The following TRAF3IP1 variants were observed in gnomAD, a reference collection of about 807,000 sequenced individuals.
TRAF3IP1 encodes the protein intraflagellar transport 54, also known as TRAF3-interacting protein 1.
A neutral mutation model predicts 89.9 loss-of-function variants in TRAF3IP1; 53 were observed. The ratio of observed to expected loss-of-function variants is 0.59; its 90% CI spans 0.47 to 0.74. The LOEUF (loss-of-function observed/expected upper bound fraction) is 0.74, where lower values mean the gene tolerates loss of function less well. Ranked by LOEUF, TRAF3IP1 falls within the 30% of genes least tolerant of loss-of-function variation. The pLI, the probability that TRAF3IP1 is intolerant of heterozygous loss-of-function variation, is 0.00. For missense variants in TRAF3IP1, 806 were observed against 866.1 expected, an observed-to-expected ratio of 0.93 and a Z score of 0.87; for synonymous variants, 311 against 322.1, an observed-to-expected ratio of 0.97 and a Z score of 0.37.
chr2:238,351,990 A>C lies in TRAF3IP1; in HGVS notation c.1452-837A>C, dbSNP rs1361940673. On this transcript the variant is annotated intron_variant, in intron 12 of 16. Transcript: ENST00000373327. This position sits in a 1 kb window ranked among gnomAD's most constrained non-coding sequence, Gnocchi z 5.2. ...CAGGGGGAGTTAGGTGATTGCTTAA[A>C]GCACAAGTGTGTAGGGAAGAAACAA... 3.9e-5 allele frequency among the ~76,000 whole-genome samples: 6 copies of C among 152,056 alleles called. No individual in the cohort carries two copies. Among genetic ancestry groups the C allele is most frequent in the Non-Finnish European group, 8.8e-5 (6 of 67,990 alleles).
intron 14 of TRAF3IP1, among the ~76,000 whole-genome samples, chr2:238,354,620 G>A (rs821804): frequency 0.24 from 37,142 of 151,928 alleles, 5,464 homozygotes; most frequent in Middle Eastern, 0.43. Context: ...AACGCTGAAG[G>A]ATTTTATTTT....
intron 15 of TRAF3IP1, among the ~76,000 whole-genome samples, chr2:238,371,837 T>A (rs965728366): frequency 6.6e-6 from 1 of 152,222 alleles, no homozygotes; most frequent in Non-Finnish European, 1.5e-5. Context: ...CATCTGTTTC[T>A]TTTTACTTTT....
At chr2:238,372,217 G>A (rs1368745517) in intron 15 of TRAF3IP1, among the ~76,000 whole-genome samples, 2 of 152,024 alleles carry the variant, frequency 1.3e-5, no homozygotes, top group Non-Finnish European at 2.9e-5. Flanking sequence ...TGCCATGTTG[G>A]TTTGCTGCAC....
chr2:238,343,093 T>C (rs551375349), intron 8 of TRAF3IP1, among the ~76,000 whole-genome samples: 2 of 84,390 alleles, frequency 2.4e-5, no homozygotes, highest in South Asian at 7.6e-4. Context: ...GGGCCCCCTA[T>C]TTTTTTTTTT....
chr2:238,327,126 C>T (rs1697876833), intron 3 of TRAF3IP1, among the ~76,000 whole-genome samples: 1 of 152,222 alleles, frequency 6.6e-6, no homozygotes, highest in African/African-American at 2.4e-5. Flanking sequence ...TATCTGAGCC[C>T]TCCATTCCAG....
chr2:238,340,174 C>T (rs1453967378), intron 8 of TRAF3IP1, among the ~76,000 whole-genome samples: 1 of 152,320 alleles, frequency 6.6e-6, no homozygotes, highest in Non-Finnish European at 1.5e-5. Context: ...CCTGCCACAG[C>T]GCGGACCTGG....
chr2:238,376,044 T>C (rs1700301313), intron 15 of TRAF3IP1, among the ~76,000 whole-genome samples: 1 of 152,208 alleles, frequency 6.6e-6, no homozygotes, highest in East Asian at 1.9e-4. Context: ...TAGCAAACTT[T>C]TTCCGTAAAA....
At chr2:238,342,069 A>C (rs1698684660) in intron 8 of TRAF3IP1, among the ~76,000 whole-genome samples, 1 of 151,620 alleles carries the variant, frequency 6.6e-6, no homozygotes, top group Non-Finnish European at 1.5e-5. Flanking sequence ...GCTCACTGCA[A>C]CCTCCACCTC....
rs1259184602 is a variant in TRAF3IP1, at chr2:238,320,804, GC to G, written c.123+22del. The G allele has an allele frequency of 2.2e-6, 3 of 1,393,362 alleles. No individual in the cohort carries two copies. Among genetic ancestry groups the G allele is most frequent in the South Asian group, 1.4e-5 (1 of 69,114 alleles). 86.3% of individuals were successfully genotyped at this position (1,393,362 alleles called of 1,614,324 possible). On this transcript the variant is annotated intron_variant, in intron 1 of 16. Transcript: ENST00000373327. ...CACGGAGGTGGGCGCCGGGGACCGG[GC>G]CCGGCCAGGTGCGGGTCGGGATTCC...
chr2:238,334,838 C>T (rs573979928), intron 7 of TRAF3IP1, among the ~76,000 whole-genome samples: 31 of 152,334 alleles, frequency 2.0e-4, no homozygotes, highest in African/African-American at 5.8e-4. Flanking sequence ...TTTCCAGAAG[C>T]GCAGTGGCTG....
At chr2:238,397,020 G>T (rs1331874843) in intron 15 of TRAF3IP1, among the ~76,000 whole-genome samples, 1 of 152,208 alleles carries the variant, frequency 6.6e-6, no homozygotes, top group African/African-American at 2.4e-5. Context: ...AGTCATTTGG[G>T]ATGGAAGGTG....
chr2:238,322,611 C>T (rs1376100593), intron 1 of TRAF3IP1, among the ~76,000 whole-genome samples: 2 of 132,560 alleles, frequency 1.5e-5, no homozygotes, highest in Non-Finnish European at 3.1e-5. Flanking sequence ...TTGCTTGAGC[C>T]GGGAAGGTTG....
At chr2:238,337,526 T>C (rs1205470140) in intron 7 of TRAF3IP1, among the ~76,000 whole-genome samples, 1 of 152,220 alleles carries the variant, frequency 6.6e-6, no homozygotes, top group Non-Finnish European at 1.5e-5. Context: ...ACTTAGGTTG[T>C]AGAAGGCCTC....
chr2:238,383,501 C>T (rs576548440), intron 15 of TRAF3IP1, among the ~76,000 whole-genome samples: 284 of 152,304 alleles, frequency 1.9e-3, no homozygotes, highest in Non-Finnish European at 3.6e-3. Flanking sequence ...CGTGGCGTTT[C>T]CCTAGGCCCC....
intron 15 of TRAF3IP1, among the ~76,000 whole-genome samples, chr2:238,358,739 G>C (rs1324951694): frequency 6.6e-6 from 1 of 152,152 alleles, no homozygotes; most frequent in Non-Finnish European, 1.5e-5. Context: ...CTCATGTTTT[G>C]ATACATGTAG....
chr2:238,372,218 T>C (rs939723292), intron 15 of TRAF3IP1, among the ~76,000 whole-genome samples: 1 of 152,216 alleles, frequency 6.6e-6, no homozygotes. Flanking sequence ...GCCATGTTGG[T>C]TTGCTGCACC....
At chr2:238,350,079 AT>A (rs1285194146) in intron 12 of TRAF3IP1, among the ~76,000 whole-genome samples, 1 of 152,158 alleles carries the variant, frequency 6.6e-6, no homozygotes, top group African/African-American at 2.4e-5. Flanking sequence ...AAAAAAAAAA[AT>A]AAAGTCATAA....
intron 15 of TRAF3IP1, among the ~76,000 whole-genome samples, chr2:238,383,001 CCT>C (rs1700609951): frequency 6.6e-6 from 1 of 152,130 alleles, no homozygotes; most frequent in African/African-American, 2.4e-5. Flanking sequence ...AGTCCGAAAT[CCT>C]CACCACTCTC....
In TRAF3IP1 at chr2:238,379,034, C is replaced by T. The variant is rs1433700297; in HGVS notation, c.1690-18425C>T. Among the ~76,000 whole-genome samples the T allele has an allele frequency of 2.0e-5, 3 of 152,194 alleles. No individual in the cohort carries two copies. Among genetic ancestry groups the T allele is most frequent in the African/African-American group, 7.2e-5 (3 of 41,458 alleles). ...TCGGTCCCCACCTCAGGCAGCCTGG[C>T]GCTGATGCTGATGCAGCCGCCCTGT... On this transcript the variant is annotated intron_variant, in intron 15 of 16. Coordinates refer to ENST00000373327, the MANE Select transcript of TRAF3IP1 (RefSeq NM_015650.4). This position sits in a 1 kb window ranked among gnomAD's most constrained non-coding sequence, Gnocchi z 4.0.
Sources: gnomAD v4.1 joint callset for allele counts (sites outside exome capture counted in the v4.1 genomes callset) on GRCh38, gnomAD v4.1.1 for gene constraint, Gnocchi (gnomAD v3.1) non-coding constraint, MANE v1.5 for transcripts, NCBI Gene and HGNC (gene_info 2026-07-23, HGNC 2026-07-21) for gene names.